PDE4DIP: variants seen among roughly 807,000 people sequenced by gnomAD.
PDE4DIP encodes the protein phosphodiesterase 4D interacting protein, also known as myomegalin.
In PDE4DIP, 59 loss-of-function variants were observed where a neutral mutation model predicts 221.4. That is an observed-to-expected ratio of 0.27 (90% CI 0.22 to 0.33). The LOEUF (loss-of-function observed/expected upper bound fraction) is 0.33. PDE4DIP is among the 10% of genes least tolerant of loss of function. The probability of loss-of-function intolerance (pLI) is 1.00; values close to 1 mark genes in which losing one functional copy is unlikely to be tolerated. For synonymous variants in PDE4DIP, 404 were observed against 815.9 expected (o/e 0.50, Z 8.60); for missense variants, 1,036 against 2,154.2 (o/e 0.48, Z 10.28).
chr1:148,973,382 G>T (rs587628259), intron 16 of PDE4DIP, among the ~76,000 whole-genome samples: 2 of 149,298 alleles, frequency 1.3e-5, no homozygotes, highest in Non-Finnish European at 3.0e-5. Flanking sequence ...CGCCCTCCTC[G>T]GCCTCCCAAA....
At chr1:148,991,642 G>T (rs1329945536) in intron 21 of PDE4DIP, 1 of 697,294 alleles carries the variant, frequency 1.4e-6, no homozygotes, top group African/African-American at 1.9e-5. Flanking sequence ...CCTTAGAAAT[G>T]GGTCTGTGCA....
chr1:148,832,894 CT>C (rs57109804), intron 1 of PDE4DIP, among the ~76,000 whole-genome samples: 1 of 112,796 alleles, frequency 8.9e-6, no homozygotes, highest in Non-Finnish European at 2.0e-5. Flanking sequence ...CTAAAATTCT[CT>C]TTTTTTTGTT....
Position 148,937,868 on chromosome 1 carries a change from AG to A in PDE4DIP, c.636+6del, listed in dbSNP as rs1157961360. The stretch of plus-strand genomic sequence containing the variant: ...GCCAACTAGCATGGAAGTGCAGGTA[AG>A]GTTTGGTCAGTACATCCAGAAGCAC... On this transcript the variant is annotated splice_donor_5th_base_variant and intron_variant, in intron 5 of 43. Transcript: ENST00000369354. 22 of 783,272 alleles carry A rather than the reference AG, an allele frequency of 2.8e-5. No homozygotes were observed. The highest frequency in any genetic ancestry group is 5.1e-5 in the African/African-American group (3 of 58,722). The allele number at this position is 783,272 out of a possible 1,614,324, so 48.5% of individuals were successfully genotyped here.
intron 37 of PDE4DIP, among the ~76,000 whole-genome samples, chr1:149,023,651 T>C (rs1483711959): frequency 2.4e-5 from 3 of 124,894 alleles, no homozygotes; most frequent in African/African-American, 8.5e-5. Context: ...CATATATATG[T>C]ACATGTATAT....
At chr1:148,990,115 A>G (rs2062727787) in intron 21 of PDE4DIP, 1 of 559,734 alleles carries the variant, frequency 1.8e-6, no homozygotes, top group South Asian at 7.9e-5. Flanking sequence ...CTGTTATCAC[A>G]GCATACTTAC....
At chr1:148,963,877 C>T (rs797040215) in intron 9 of PDE4DIP, among the ~76,000 whole-genome samples, 2 of 146,842 alleles carry the variant, frequency 1.4e-5, no homozygotes, top group African/African-American at 5.1e-5. Flanking sequence ...CCTCAGCCTC[C>T]CAAGTAGCTG....
At chr1:148,976,658 T>C (rs1553537878) in intron 17 of PDE4DIP, among the ~76,000 whole-genome samples, 1 of 151,948 alleles carries the variant, frequency 6.6e-6, no homozygotes, top group Non-Finnish European at 1.5e-5. Flanking sequence ...AATAAATAAA[T>C]AAACATTATA....
At chr1:148,907,180 T>C (rs2042045796) in intron 1 of PDE4DIP, among the ~76,000 whole-genome samples, 1 of 139,772 alleles carries the variant, frequency 7.2e-6, no homozygotes, top group East Asian at 2.0e-4. Flanking sequence ...GTCAGATAAG[T>C]CTCTTATGTG....
intron 17 of PDE4DIP, among the ~76,000 whole-genome samples, chr1:148,976,191 G>A (rs1426633226): frequency 6.6e-6 from 1 of 152,182 alleles, no homozygotes; most frequent in Non-Finnish European, 1.5e-5. Flanking sequence ...TCATGAAATT[G>A]TAATGCCTAT....
chr1:148,973,780 GAGT>G (rs1320410569), intron 16 of PDE4DIP, among the ~76,000 whole-genome samples: 1 of 146,702 alleles, frequency 6.8e-6, no homozygotes, highest in Non-Finnish European at 1.5e-5. Context: ...TGTTCAGTTA[GAGT>G]AGTAGTGAGT....
chr1:148,818,064 G>A (rs2762763), intron 1 of PDE4DIP, among the ~76,000 whole-genome samples: 28 of 149,944 alleles, frequency 1.9e-4, no homozygotes, highest in Admixed American at 4.0e-4. Context: ...TGATCTGCCC[G>A]CCTCCTCCCA....
chr1:148,940,360 T>C (rs587620782), intron 5 of PDE4DIP, among the ~76,000 whole-genome samples: 2 of 152,150 alleles, frequency 1.3e-5, no homozygotes, highest in Non-Finnish European at 2.9e-5. Context: ...TAAATTGATA[T>C]GCTTTTTAAA....
At chr1:148,813,758 T>G (rs1480585527) in intron 1 of PDE4DIP, among the ~76,000 whole-genome samples, 2 of 131,496 alleles carry the variant, frequency 1.5e-5, no homozygotes, top group East Asian at 4.7e-4. Flanking sequence ...ATCAAGGTGT[T>G]TTTTTTTTTC....
intron 43 of PDE4DIP, chr1:149,030,849 A>G (rs1371314915): frequency 1.1e-6 from 1 of 945,074 alleles, no homozygotes; most frequent in African/African-American, 1.8e-5. Flanking sequence ...TCAGGGAAAA[A>G]ATGTTATATA....
chr1:148,999,973 T>A (rs1436229408), intron 23 of PDE4DIP, among the ~76,000 whole-genome samples: 1 of 151,788 alleles, frequency 6.6e-6, no homozygotes, highest in Non-Finnish European at 1.5e-5. Flanking sequence ...TATTAAATAT[T>A]CTTTTCCATA....
chr1:149,024,186 A>G, intron 37 of PDE4DIP: 1 of 353,880 alleles, frequency 2.8e-6, no homozygotes, highest in South Asian at 4.0e-5. Flanking sequence ...TGAAATATGG[A>G]CTTATCTTCA....
intron 22 of PDE4DIP, chr1:148,993,650 AGCC>A: frequency 7.9e-7 from 1 of 1,265,454 alleles, no homozygotes; most frequent in South Asian, 1.5e-5. Context: ...TAAGTTAACA[AGCC>A]TTTGGATCAG....
intron 32 of PDE4DIP, 47 bp from the exon 36 acceptor site, chr1:149,016,252 C>T (rs782200851): frequency 5.0e-6 from 8 of 1,596,426 alleles, no homozygotes; most frequent in East Asian, 4.5e-5. Context: ...CAAATTCTTC[C>T]CTTCTGACAC....
intron 1 of PDE4DIP, among the ~76,000 whole-genome samples, chr1:148,892,138 A>C (rs1698755621): frequency 8.4e-6 from 1 of 119,034 alleles, no homozygotes; most frequent in Admixed American, 8.5e-5. Context: ...GGGACTACAG[A>C]CCCCTGCTAC....
Sources: gnomAD v4.1 joint callset for allele counts (sites outside exome capture counted in the v4.1 genomes callset) on GRCh38, gnomAD v4.1.1 for gene constraint, MANE v1.5 for transcripts, NCBI Gene and HGNC (gene_info 2026-07-23, HGNC 2026-07-21) for gene names.